The following DNAH9 variants were observed in gnomAD, a reference collection of about 807,000 sequenced individuals.
DNAH9 encodes DNAH9 variant protein.
DNAH9 carries 345 observed loss-of-function variants against 471.6 expected under a neutral mutation model. That is an observed-to-expected ratio of 0.73 (90% CI 0.67 to 0.80). DNAH9 has a LOEUF of 0.80. Ranked by LOEUF, DNAH9 falls within the 30% of genes least tolerant of loss-of-function variation. DNAH9 has a pLI of 0.00. For synonymous variants in DNAH9, 2,093 were observed against 2,123.6 expected, an observed-to-expected ratio of 0.99 and a Z score of 0.40; for missense variants, 5,407 against 5,609.2, an observed-to-expected ratio of 0.96 and a Z score of 1.15.
chr17:11,820,293 G>GT (rs140894101), intron 45 of DNAH9, among the ~76,000 whole-genome samples: 7,493 of 151,924 alleles, frequency 0.049, 328 homozygotes, highest in Admixed American at 0.14. Flanking sequence ...TACATATTTA[G>GT]TTGGGATTTT....
At chr17:11,769,463 C>T (rs574090396) in intron 38 of DNAH9, 134 bp downstream of exon 38, 44 of 739,140 alleles carry the variant, frequency 6.0e-5, no homozygotes, top group African/African-American at 1.5e-4. Context: ...TCCTCCCACA[C>T]GCCCCTTCTC....
intron 20 of DNAH9, among the ~76,000 whole-genome samples, chr17:11,693,627 T>A (rs566241430): frequency 9.2e-5 from 14 of 152,268 alleles, no homozygotes; most frequent in African/African-American, 2.4e-4. Context: ...CAGAAAATAT[T>A]GAAAGATATG....
At chr17:11,880,278 C>CCTG in intron 54 of DNAH9, 78 bp downstream of exon 54, 1 of 1,558,594 alleles carries the variant, frequency 6.4e-7, no homozygotes. Flanking sequence ...GAGGTCTGCT[C>CCTG]TTCCTAGAAT....
Position 11,932,279 on chromosome 17 carries a change from C to A in DNAH9, c.12297+74C>A. On this transcript the variant is annotated intron_variant, in intron 64 of 68. Transcript: ENST00000262442. This position sits in a 1 kb window ranked among gnomAD's most constrained non-coding sequence, Gnocchi z 4.3. Reference sequence around the variant, plus strand: ...AATTATTTAATTTTGAGGGGTGAATCAGAGGGGTCTAGGATGGGGCCTGAG... The same window carrying A: ...AATTATTTAATTTTGAGGGGTGAATAAGAGGGGTCTAGGATGGGGCCTGAG... The A allele has an allele frequency of 1.9e-5, 28 of 1,480,674 alleles. No individual in the cohort carries two copies. Among genetic ancestry groups the A allele is most frequent in the Non-Finnish European group, 2.3e-5 (25 of 1,086,406 alleles). 91.7% of individuals were successfully genotyped at this position (1,480,674 alleles called of 1,614,324 possible).
chr17:11,737,836 C>T (rs1207742543), intron 28 of DNAH9, among the ~76,000 whole-genome samples: 1 of 152,192 alleles, frequency 6.6e-6, no homozygotes, highest in Non-Finnish European at 1.5e-5. Context: ...GTCACCTGTT[C>T]TGGAGGTATA....
chr17:11,808,513 C>T (rs34761918), intron 44 of DNAH9, among the ~76,000 whole-genome samples: 2 of 152,164 alleles, frequency 1.3e-5, no homozygotes, highest in Non-Finnish European at 2.9e-5. Context: ...AGCACTGAGC[C>T]AGTCCTACCC....
intron 28 of DNAH9, among the ~76,000 whole-genome samples, chr17:11,732,098 G>C (rs1011546707): frequency 1.3e-5 from 2 of 152,162 alleles, no homozygotes; most frequent in Non-Finnish European, 2.9e-5. Flanking sequence ...TAATCAATGA[G>C]GCAGTGCCCA....
intron 43 of DNAH9, among the ~76,000 whole-genome samples, chr17:11,806,327 C>G (rs1187256238): frequency 1.3e-5 from 2 of 152,074 alleles, no homozygotes; most frequent in Non-Finnish European, 2.9e-5. Context: ...TAGAACTTAT[C>G]CTGAGGATAT....
At chr17:11,784,997 G>A (rs1043682857) in intron 41 of DNAH9, among the ~76,000 whole-genome samples, 5 of 152,132 alleles carry the variant, frequency 3.3e-5, no homozygotes, top group African/African-American at 1.2e-4. Flanking sequence ...ATACTCCTAA[G>A]ATGCCATCTG....
chr17:11,600,038 A>T (rs1001428130), intron 1 of DNAH9, among the ~76,000 whole-genome samples: 2 of 152,106 alleles, frequency 1.3e-5, no homozygotes, highest in African/African-American at 4.8e-5. Context: ...GTGTATCAGG[A>T]GGCTGTGGGG....
At chr17:11,740,217 G>C (rs969938864) in intron 29 of DNAH9, among the ~76,000 whole-genome samples, 3 of 152,190 alleles carry the variant, frequency 2.0e-5, no homozygotes, top group African/African-American at 7.2e-5. Context: ...ATAGAAGTAG[G>C]TGATCACCCA....
rs757308122 is a variant in DNAH9, at chr17:11,701,178, G to A, written c.5082G>A (p.Glu1694=). ...ACATGAAGGCCACTGTGAGGCATGAGATGACAGAAGGTGTAACTGCCTATG... is the reference window on the plus strand; with the variant it reads ...ACATGAAGGCCACTGTGAGGCATGAAATGACAGAAGGTGTAACTGCCTATG... ...LGHMKATVRH[E]MTEGVTAYEE... The change falls in exon 24 of 69, where the codon GAG becomes GAA. Residue 1694 remains glutamate, a synonymous_variant. Coordinates refer to ENST00000262442, the MANE Select transcript of DNAH9 (RefSeq NM_001372.4). 1 of 1,614,166 alleles carries A rather than the reference G, an allele frequency of 6.2e-7. No individual in the cohort carries two copies. The highest frequency in any genetic ancestry group is 8.5e-7 in the Non-Finnish European group (1 of 1,180,004).
At chr17:11,931,280 G>C (rs1974500647) in intron 63 of DNAH9, among the ~76,000 whole-genome samples, 2 of 152,184 alleles carry the variant, frequency 1.3e-5, no homozygotes, top group Non-Finnish European at 2.9e-5. Flanking sequence ...CATAGTACCA[G>C]TGCATCTCAG....
Position 11,793,517 on chromosome 17 carries a change from C to G in DNAH9, c.8076C>G (p.Ser2692=), listed in dbSNP as rs778744108. The change falls in exon 42 of 69, where the codon TCC becomes TCG. Residue 2692 remains serine (S), a synonymous_variant. Coordinates refer to ENST00000262442, the MANE Select transcript of DNAH9 (RefSeq NM_001372.4). ...FANIFQGILF[S]SVECVKSTWD... is the part of the protein sequence containing the mutation. ...TCCCCTTGAAGGGCATTCTCTTCTC[C>G]TCAGTGGAATGTGTGAAATCCACAT... The G allele has an allele frequency of 7.4e-6, 12 of 1,611,774 alleles. No individual in the cohort carries two copies. Among genetic ancestry groups the G allele is most frequent in the Non-Finnish European group, 8.5e-6 (10 of 1,179,436 alleles).
chr17:11,886,764 G>A, intron 56 of DNAH9, 61 bp from the exon 57 acceptor site: 2 of 1,549,934 alleles, frequency 1.3e-6, no homozygotes, highest in Non-Finnish European at 1.7e-6. Flanking sequence ...GAGGGGCCAA[G>A]TTGATTCTCA....
intron 45 of DNAH9, among the ~76,000 whole-genome samples, chr17:11,816,807 AT>A (rs1285270126): frequency 1.3e-5 from 2 of 152,214 alleles, no homozygotes; most frequent in African/African-American, 4.8e-5. Flanking sequence ...TTTCAATACT[AT>A]TTCTAACTCC....
chr17:11,766,427 CT>C (rs1191309371), intron 36 of DNAH9, among the ~76,000 whole-genome samples: 1 of 152,166 alleles, frequency 6.6e-6, no homozygotes, highest in Non-Finnish European at 1.5e-5. Context: ...ACTCCCAATT[CT>C]GTCGTTTCAT....
intron 49 of DNAH9, among the ~76,000 whole-genome samples, chr17:11,841,320 C>G (rs1285172773): frequency 6.6e-6 from 1 of 152,096 alleles, no homozygotes; most frequent in Non-Finnish European, 1.5e-5. Context: ...ATGCTTTTTC[C>G]AAAGAGGCTC....
intron 38 of DNAH9, among the ~76,000 whole-genome samples, chr17:11,774,549 G>A (rs1968344858): frequency 6.6e-6 from 1 of 152,086 alleles, no homozygotes; most frequent in Non-Finnish European, 1.5e-5. Flanking sequence ...CATTTATAAA[G>A]CCATCAAATC....
Sources: allele counts gnomAD v4.1 joint callset (sites outside exome capture counted in the v4.1 genomes callset), GRCh38; gene constraint gnomAD v4.1.1; non-coding constraint Gnocchi (gnomAD v3.1); transcripts MANE v1.5; gene names NCBI Gene and HGNC (gene_info 2026-07-23, HGNC 2026-07-21).